The following SCYGR8 variants were observed in gnomAD, a reference collection of about 807,000 sequenced individuals.
The protein encoded by SCYGR8 is small cysteine and glycine repeat containing 8.
rs185123245 is a variant in SCYGR8, at chr2:227,745,992, C to T, written c.99C>T (p.Cys33=). Reference sequence around the variant, plus strand: ...GTGGTGGCTGCGGCGGTGGTGGCTGCGGTGGTGGCTGTGGCAGCTGCACCA... The same window carrying T: ...GTGGTGGCTGCGGCGGTGGTGGCTGTGGTGGTGGCTGTGGCAGCTGCACCA... The change falls in exon 1 of 1, where the codon TGC becomes TGT. Residue 33 remains cysteine, a synonymous_variant. Coordinates refer to ENST00000641981, the Ensembl canonical transcript of SCYGR8. The T allele has an allele frequency of 6.3e-5, 24 of 382,488 alleles. No individual in the cohort carries two copies. In the South Asian group the frequency reaches 1.7e-3, roughly 26 times the overall value. 23.7% of individuals were successfully genotyped at this position (382,488 alleles called of 1,614,324 possible). A position where few individuals can be genotyped will look rare whatever the true frequency, so the allele number is the denominator to read the frequency against.
At chr2:227,746,037 G>A in exon 1 of SCYGR8, 1 of 399,204 alleles carries the variant, frequency 2.5e-6, no homozygotes. Context: ...GCTACCGGGT[G>A]GGCTGCTGCT....
At chr2:227,745,962 C>T in exon 1 of SCYGR8, 1 of 378,104 alleles carries the variant, frequency 2.6e-6, no homozygotes, top group Non-Finnish European at 4.6e-6. Context: ...GTGGTGGTGG[C>T]TGCGGTGGTG....
At chr2:227,745,946 G>A (rs976610793) in exon 1 of SCYGR8, 2 of 386,754 alleles carry the variant, frequency 5.2e-6, no homozygotes, top group Non-Finnish European at 9.0e-6. Context: ...GGCTGCAGTG[G>A]TGGCTGTGGT....
At chr2:227,746,181 T>G in exon 1 of SCYGR8, 1 of 399,000 alleles carries the variant, frequency 2.5e-6, no homozygotes, top group Non-Finnish European at 4.4e-6. Flanking sequence ...AGGGATGCTG[T>G]CAGCAGAAGT....
At chr2:227,746,105 T>C in exon 1 of SCYGR8, 1 of 398,992 alleles carries the variant, frequency 2.5e-6, no homozygotes, top group Admixed American at 4.4e-5. Flanking sequence ...ACTCCCGTGA[T>C]CTGCTGCTGC....
exon 1 of SCYGR8, chr2:227,745,908 GTGTGGTGGCTGCGGTGGTGGC>G (rs1696822280): frequency 2.4e-6 from 1 of 411,880 alleles, no homozygotes; most frequent in East Asian, 3.5e-5. Flanking sequence ...GTTGCTGTGG[GTGTGGTGGCTGCGGTGGTGGC>G]TGTGGTGGCT....
exon 1 of SCYGR8, chr2:227,746,083 GGCT>G (rs1201216986): frequency 2.5e-6 from 1 of 399,050 alleles, no homozygotes; most frequent in Non-Finnish European, 4.4e-6. Flanking sequence ...CTGCTGTGGA[GGCT>G]GCTGCAGCAC....
exon 1 of SCYGR8, chr2:227,745,914 T>A (rs1696822352): frequency 2.4e-6 from 1 of 412,430 alleles, no homozygotes. Flanking sequence ...GTGGGTGTGG[T>A]GGCTGCGGTG....
At chr2:227,746,186 A>G (rs9288625) in exon 1 of SCYGR8, 392,412 of 398,846 alleles carry the variant, frequency 0.98, 193,311 homozygotes, top group East Asian at 1. Flanking sequence ...TGCTGTCAGC[A>G]GAAGTGCTGC....
At chr2:227,745,977 C>T (rs1325595059) in exon 1 of SCYGR8, 2 of 10,542 alleles carry the variant, frequency 1.9e-4, no homozygotes, top group African/African-American at 4.9e-4. Context: ...GTGGTGGCTG[C>T]GGCGGTGGTG....
exon 1 of SCYGR8, chr2:227,746,062 T>C: frequency 1.0e-5 from 4 of 399,196 alleles, no homozygotes; most frequent in Non-Finnish European, 4.4e-6. Context: ...CTGCTGCCCC[T>C]GCTGCCGTGG....
exon 1 of SCYGR8, chr2:227,745,942 A>G (rs367973725): frequency 1.4e-4 from 55 of 386,908 alleles, no homozygotes; most frequent in Middle Eastern, 6.5e-4. Flanking sequence ...TGGTGGCTGC[A>G]GTGGTGGCTG....
chr2:227,746,068 C>T (rs766853522), exon 1 of SCYGR8: 11 of 399,080 alleles, frequency 2.8e-5, no homozygotes, highest in African/African-American at 6.2e-5. Context: ...CCCCTGCTGC[C>T]GTGGCTGCTG....
exon 1 of SCYGR8, chr2:227,745,945 G>A: frequency 2.6e-6 from 1 of 386,562 alleles, no homozygotes; most frequent in Non-Finnish European, 4.5e-6. Flanking sequence ...TGGCTGCAGT[G>A]GTGGCTGTGG....
At chr2:227,746,197 T>G in exon 1 of SCYGR8, 1 of 398,830 alleles carries the variant, frequency 2.5e-6, no homozygotes, top group Non-Finnish European at 4.4e-6. Flanking sequence ...GAAGTGCTGC[T>G]GCCAGAAGCA....
exon 1 of SCYGR8, chr2:227,745,897 G>T (rs549890090): frequency 4.9e-6 from 2 of 409,868 alleles, no homozygotes; most frequent in Admixed American, 8.7e-5. Context: ...TGACACCATG[G>T]GTTGCTGTGG....
chr2:227,746,041 T>G, exon 1 of SCYGR8: 2 of 399,186 alleles, frequency 5.0e-6, no homozygotes, highest in Non-Finnish European at 8.8e-6. Flanking sequence ...CCGGGTGGGC[T>G]GCTGCTCCAG....
chr2:227,746,032 C>T (rs908496528), exon 1 of SCYGR8: 2 of 398,964 alleles, frequency 5.0e-6, no homozygotes, highest in African/African-American at 2.1e-5. Context: ...CAGGTGCTAC[C>T]GGGTGGGCTG....
chr2:227,745,909 TGTGGTGGCTGCG>T (rs1424811606), exon 1 of SCYGR8: 4 of 411,494 alleles, frequency 9.7e-6, no homozygotes, highest in Non-Finnish European at 1.7e-5. Context: ...TTGCTGTGGG[TGTGGTGGCTGCG>T]GTGGTGGCTG....
Sources: gnomAD v4.1 joint callset for allele counts on GRCh38, gnomAD v4.1.1 for gene constraint, MANE v1.5 for transcripts, NCBI Gene and HGNC (gene_info 2026-07-23, HGNC 2026-07-21) for gene names.